The following NRXN1 variants were observed in gnomAD, a reference collection of about 807,000 sequenced individuals.
The protein encoded by NRXN1 is neurexin-1.
Under a neutral mutation model 150.9 loss-of-function variants are expected in NRXN1, and 39 were observed. That is an observed-to-expected ratio of 0.26 (90% CI 0.20 to 0.34). The LOEUF (loss-of-function observed/expected upper bound fraction) is 0.34, where lower values mean the gene tolerates loss of function less well. NRXN1 is among the 10% of genes least tolerant of loss of function. NRXN1 has a pLI of 1.00. For missense variants in NRXN1, 1,815 were observed against 1,949.9 expected (o/e 0.93, Z 1.30); for synonymous variants, 924 against 757.0 (o/e 1.22, Z -3.62).
At chr2:50,520,914 T>C (rs1349035577) in intron 12 of NRXN1, among the ~76,000 whole-genome samples, 1 of 152,116 alleles carries the variant, frequency 6.6e-6, no homozygotes, top group African/African-American at 2.4e-5. Flanking sequence ...TTATAATTCA[T>C]GAAAAATCTG....
intron 17 of NRXN1, among the ~76,000 whole-genome samples, chr2:50,320,285 T>TATATATAC (rs2075924454): frequency 5.2e-5 from 3 of 57,674 alleles, no homozygotes; most frequent in African/African-American, 1.9e-4. Flanking sequence ...ACCTCAATCA[T>TATATATAC]ATATATATAT....
rs1216492202 is a variant in NRXN1, at chr2:50,552,474, T to A, written c.1759+113A>T. On this transcript the variant is annotated intron_variant, in intron 9 of 22. Coordinates refer to ENST00000401669, the MANE Select transcript of NRXN1 (RefSeq NM_001330078.2). ...CAATATCAGGCAATTTCTTTTAGGCTAAAGAAACAAATGCAGGAAGTCTTT... is the reference window on the plus strand; with the variant it reads ...CAATATCAGGCAATTTCTTTTAGGCAAAAGAAACAAATGCAGGAAGTCTTT... 25 of 775,618 alleles carry A rather than the reference T, an allele frequency of 3.2e-5. No individual in the cohort carries two copies. The South Asian group carries it at 4.2e-4, about 13-fold the overall frequency. 48.0% of individuals were successfully genotyped at this position (775,618 alleles called of 1,614,324 possible). A position where few individuals can be genotyped will look rare whatever the true frequency, so the allele number is the denominator to read the frequency against.
intron 21 of NRXN1, among the ~76,000 whole-genome samples, chr2:49,950,487 C>A (rs1399457895): frequency 6.6e-6 from 1 of 151,930 alleles, no homozygotes. Context: ...CTCATCTATG[C>A]GTAGCATTTT....
intron 5 of NRXN1, among the ~76,000 whole-genome samples, chr2:50,914,687 CTTT>C (rs1395017846): frequency 1.3e-5 from 2 of 151,788 alleles, no homozygotes; most frequent in East Asian, 3.9e-4. Flanking sequence ...GATACAAAAA[CTTT>C]TTTGTTTTCG....
At chr2:50,743,181 TTTTTG>T (rs1417067160) in intron 5 of NRXN1, among the ~76,000 whole-genome samples, 5 of 152,322 alleles carry the variant, frequency 3.3e-5, no homozygotes, top group African/African-American at 1.2e-4. Context: ...AGCGATATGC[TTTTTG>T]AACTTGAGGT....
intron 5 of NRXN1, among the ~76,000 whole-genome samples, chr2:50,672,725 A>G (rs191310930): frequency 1.5e-4 from 23 of 152,188 alleles, no homozygotes; most frequent in Non-Finnish European, 2.9e-5. Context: ...AAAATATTAT[A>G]CACATTTTAT....
chr2:50,765,383 C>T (rs188175968), intron 5 of NRXN1, among the ~76,000 whole-genome samples: 8 of 152,116 alleles, frequency 5.3e-5, no homozygotes, highest in African/African-American at 1.4e-4. Flanking sequence ...AAGACAAATG[C>T]GAATTGTCCC....
At chr2:50,829,546 T>C in intron 5 of NRXN1, 1 of 1,611,340 alleles carries the variant, frequency 6.2e-7, no homozygotes, top group South Asian at 1.1e-5. Context: ...TAAGGGATCT[T>C]AGGAGGGGTT....
chr2:50,909,650 T>G (rs867922695), intron 5 of NRXN1, among the ~76,000 whole-genome samples: 1 of 151,956 alleles, frequency 6.6e-6, no homozygotes, highest in African/African-American at 2.4e-5. Flanking sequence ...AATTTTCTCT[T>G]GAATATTTAT....
At chr2:50,689,452 T>C (rs1341766811) in intron 5 of NRXN1, among the ~76,000 whole-genome samples, 3 of 152,196 alleles carry the variant, frequency 2.0e-5, no homozygotes, top group Admixed American at 2.0e-4. Context: ...AAATGCCATG[T>C]CTATATACAT....
At position 50,778,865 on chromosome 2, in the gene NRXN1, C is replaced by G. The variant is rs1012477719; in HGVS notation, c.832+143004G>C. ...AATAATACAGAATCTCTATGGATTA[C>G]AAATAAAACATTTACTATACATGTA... is the stretch of plus-strand genomic sequence containing the variant. On this transcript the variant is annotated intron_variant, in intron 5 of 22. Coordinates refer to ENST00000401669, the MANE Select transcript of NRXN1 (RefSeq NM_001330078.2). 5.3e-5 allele frequency among the ~76,000 whole-genome samples: 8 copies of G among 152,028 alleles called. No homozygotes were observed. The South Asian group carries it at 1.4e-3, about 28-fold the overall frequency.
intron 5 of NRXN1, among the ~76,000 whole-genome samples, chr2:50,882,135 A>G (rs1265680403): frequency 2.0e-5 from 3 of 151,884 alleles, no homozygotes; most frequent in Admixed American, 2.0e-4. Context: ...GAATTTATGA[A>G]TTTCTAAAGA....
chr2:50,330,093 T>C (rs1290526298), intron 17 of NRXN1, among the ~76,000 whole-genome samples: 1 of 152,070 alleles, frequency 6.6e-6, no homozygotes, highest in Non-Finnish European at 1.5e-5. Context: ...TAGAAGGAAA[T>C]TAATATCAAC....
At chr2:50,837,227 G>A (rs563140203) in intron 5 of NRXN1, among the ~76,000 whole-genome samples, 2 of 152,254 alleles carry the variant, frequency 1.3e-5, no homozygotes, top group East Asian at 3.9e-4. Flanking sequence ...TCTACTCATA[G>A]CCAAGTGAAA....
chr2:50,622,699 A>G (rs1285450358), intron 6 of NRXN1, among the ~76,000 whole-genome samples: 2 of 152,170 alleles, frequency 1.3e-5, no homozygotes, highest in Non-Finnish European at 2.9e-5. Context: ...TTAAATAGAA[A>G]TGGGCACCTA....
intron 21 of NRXN1, among the ~76,000 whole-genome samples, chr2:50,039,444 C>A (rs1558748725): frequency 6.6e-6 from 1 of 152,140 alleles, no homozygotes; most frequent in African/African-American, 2.4e-5. Flanking sequence ...GCAGCTTGGA[C>A]AACAGAGTGA....
intron 13 of NRXN1, among the ~76,000 whole-genome samples, chr2:50,503,636 T>C (rs924713321): frequency 2.6e-5 from 4 of 152,092 alleles, no homozygotes; most frequent in Admixed American, 6.6e-5. Context: ...ATGCTAAGCA[T>C]TGACTGTAAA....
chr2:50,701,534 C>G (rs1693740925), intron 5 of NRXN1, among the ~76,000 whole-genome samples: 1 of 152,088 alleles, frequency 6.6e-6, no homozygotes. Context: ...GAATGGTATT[C>G]TATTTCTATC....
At chr2:50,095,942 C>A in intron 18 of NRXN1, among the ~76,000 whole-genome samples, 1 of 118,824 alleles carries the variant, frequency 8.4e-6, no homozygotes, top group Admixed American at 9.6e-5. Context: ...CCCCCTCCCC[C>A]CACCCCACAA....
Sources: allele counts gnomAD v4.1 joint callset (sites outside exome capture counted in the v4.1 genomes callset), GRCh38; gene constraint gnomAD v4.1.1; transcripts MANE v1.5; gene names NCBI Gene and HGNC (gene_info 2026-07-23, HGNC 2026-07-21).